Variants in GRIN2A observed in about 807,000 individuals in gnomAD.
GRIN2A encodes the protein glutamate ionotropic receptor NMDA type subunit 2A.
In GRIN2A, 22 loss-of-function variants were observed where a neutral mutation model predicts 113.4. The observed-to-expected ratio is 0.19, with a 90% CI of 0.14 to 0.28. The LOEUF (loss-of-function observed/expected upper bound fraction) is 0.28, where lower values mean the gene tolerates loss of function less well. Ranked by LOEUF, GRIN2A falls within the 10% of genes least tolerant of loss-of-function variation. The probability of loss-of-function intolerance (pLI) is 1.00; values close to 1 mark genes in which losing one functional copy is unlikely to be tolerated. For synonymous variants in GRIN2A, 827 were observed against 738.4 expected, an observed-to-expected ratio of 1.12 and a Z score of -1.94; for missense variants, 1,502 against 1,887.0, an observed-to-expected ratio of 0.80 and a Z score of 3.78.
intron 4 of GRIN2A, among the ~76,000 whole-genome samples, chr16:9,880,468 G>A (rs999406790): frequency 2.0e-5 from 3 of 152,182 alleles, no homozygotes; most frequent in African/African-American, 7.2e-5. Context: ...GGGGTCATGT[G>A]ATTGGGTGAG....
At chr16:9,968,944 G>C (rs1047153575) in intron 2 of GRIN2A, among the ~76,000 whole-genome samples, 3 of 152,088 alleles carry the variant, frequency 2.0e-5, no homozygotes, top group Non-Finnish European at 2.9e-5. Flanking sequence ...AGAAAAAGTT[G>C]AAATTAATAT....
intron 5 of GRIN2A, among the ~76,000 whole-genome samples, chr16:9,847,681 T>C (rs528344181): frequency 1.1e-3 from 161 of 149,906 alleles, no homozygotes; most frequent in African/African-American, 3.6e-3. Context: ...TAAAAATATA[T>C]GTTTTATATT....
chr16:9,916,833 T>A (rs963466922), intron 3 of GRIN2A, among the ~76,000 whole-genome samples: 3 of 152,134 alleles, frequency 2.0e-5, no homozygotes, highest in African/African-American at 7.2e-5. Flanking sequence ...ATGAAAGGAA[T>A]TTTCTTCTGG....
At chr16:10,009,885 G>A (rs2046473726) in intron 2 of GRIN2A, among the ~76,000 whole-genome samples, 1 of 152,152 alleles carries the variant, frequency 6.6e-6, no homozygotes, top group South Asian at 2.1e-4. Context: ...AAGTCACGTG[G>A]GACCACAATG....
intron 2 of GRIN2A, among the ~76,000 whole-genome samples, chr16:9,955,090 A>C (rs2045274716): frequency 6.6e-6 from 1 of 152,206 alleles, no homozygotes; most frequent in Non-Finnish European, 1.5e-5. Flanking sequence ...CATTTGCCTG[A>C]GTCAAGGCGA....
chr16:9,828,717 C>G (rs1056976414), intron 9 of GRIN2A, among the ~76,000 whole-genome samples: 2 of 152,140 alleles, frequency 1.3e-5, no homozygotes, highest in Non-Finnish European at 2.9e-5. Context: ...TGTTATATTT[C>G]ATTTCACTGG....
chr16:9,777,184 G>T (rs1376575229), intron 11 of GRIN2A, among the ~76,000 whole-genome samples: 2 of 152,094 alleles, frequency 1.3e-5, no homozygotes, highest in African/African-American at 4.8e-5. Flanking sequence ...TCTCTTCCCT[G>T]TGGTGACCCA....
intron 10 of GRIN2A, among the ~76,000 whole-genome samples, chr16:9,812,463 A>C: frequency 6.6e-6 from 1 of 152,020 alleles, no homozygotes; most frequent in East Asian, 1.9e-4. Context: ...ACATGGCGAA[A>C]CCCCGTCTCT....
chr16:9,927,222 G>C (rs183724307), intron 3 of GRIN2A, among the ~76,000 whole-genome samples: 3 of 152,152 alleles, frequency 2.0e-5, no homozygotes, highest in Admixed American at 2.0e-4. Flanking sequence ...GGAACTCAAG[G>C]GAAGTTTACC....
At chr16:9,932,539 C>A (rs879739552) in intron 3 of GRIN2A, among the ~76,000 whole-genome samples, 8 of 151,610 alleles carry the variant, frequency 5.3e-5, no homozygotes, top group Non-Finnish European at 7.4e-5. Flanking sequence ...CCACACCCAG[C>A]TAAAGTTTGT....
chr16:9,762,131 C>G lies in GRIN2A; in HGVS notation c.*1018G>C, dbSNP rs1011597278. 9.4e-6 allele frequency: 2 copies of G among 212,988 alleles called. No individual in the cohort carries two copies. Among genetic ancestry groups the G allele is most frequent in the Non-Finnish European group, 1.9e-5 (2 of 104,948 alleles). The allele number at this position is 212,988 out of a possible 1,614,324, so 13.2% of individuals were successfully genotyped here. ...CTGTTGGTGCATGTCACCACATTAA[C>G]AACTCTGGGAAGAGCGATACACAGC... On this transcript the variant is annotated 3_prime_UTR_variant, in exon 13 of 13. Coordinates refer to ENST00000330684, the MANE Select transcript of GRIN2A (RefSeq NM_001134407.3).
intron 2 of GRIN2A, among the ~76,000 whole-genome samples, chr16:10,028,968 T>A (rs1225868719): frequency 6.6e-6 from 1 of 152,216 alleles, no homozygotes; most frequent in Non-Finnish European, 1.5e-5. Flanking sequence ...TTATAGCTAA[T>A]GTTAATCAAG....
chr16:10,134,657 T>C (rs2049154191), intron 2 of GRIN2A, among the ~76,000 whole-genome samples: 2 of 152,258 alleles, frequency 1.3e-5, no homozygotes, highest in Admixed American at 6.5e-5. Flanking sequence ...GGGAGTGTAA[T>C]GGCCTTCCTT....
At chr16:9,830,559 A>G (rs72781975) in intron 8 of GRIN2A, among the ~76,000 whole-genome samples, 2,447 of 151,472 alleles carry the variant, frequency 0.016, 31 homozygotes, top group Middle Eastern at 0.027. Context: ...GTTAATTTTT[A>G]TGTCATTTAA....
rs1220042771 is a variant in GRIN2A at position 9,754,733 on chromosome 16, T to C, written c.*8416A>G. ...CAGAAATAATTAAATAAGTCTTAGA[T>C]GGCTAATGTAGAAACTTCGATTGAA... On this transcript the variant is annotated 3_prime_UTR_variant, in exon 13 of 13. Coordinates refer to ENST00000330684, the MANE Select transcript of GRIN2A (RefSeq NM_001134407.3). 2 of 219,018 alleles carry C rather than the reference T, an allele frequency of 9.1e-6. No homozygotes were observed. The highest frequency in any genetic ancestry group is 9.2e-6 in the Non-Finnish European group (1 of 109,190). The allele number at this position is 219,018 out of a possible 1,614,324, so 13.6% of individuals were successfully genotyped here. A position where few individuals can be genotyped will look rare whatever the true frequency, so the allele number is the denominator to read the frequency against.
intron 2 of GRIN2A, among the ~76,000 whole-genome samples, chr16:10,126,819 C>T (rs923885550): frequency 6.6e-6 from 1 of 152,204 alleles, no homozygotes; most frequent in Admixed American, 6.5e-5. Flanking sequence ...CACCTGCTCA[C>T]ATGTCCAAGA....
chr16:10,156,462 C>T (rs7194785), intron 2 of GRIN2A, among the ~76,000 whole-genome samples: 2,413 of 152,268 alleles, frequency 0.016, 70 homozygotes, highest in African/African-American at 0.053. Context: ...TTCTGATTGA[C>T]GACAAGATGG....
chr16:9,916,060 G>C (rs9922568), intron 3 of GRIN2A, among the ~76,000 whole-genome samples: 1,866 of 152,236 alleles, frequency 0.012, 40 homozygotes, highest in African/African-American at 0.043. Context: ...TCTGGAGTTG[G>C]AGGCATAAGA....
intron 2 of GRIN2A, among the ~76,000 whole-genome samples, chr16:10,124,950 T>C (rs543216045): frequency 6.6e-6 from 1 of 152,212 alleles, no homozygotes; most frequent in African/African-American, 2.4e-5. Flanking sequence ...GGGAAGAGCA[T>C]TCCAGGCATA....
Sources: gnomAD v4.1 joint callset for allele counts (sites outside exome capture counted in the v4.1 genomes callset) on GRCh38, gnomAD v4.1.1 for gene constraint, MANE v1.5 for transcripts, NCBI Gene and HGNC (gene_info 2026-07-23, HGNC 2026-07-21) for gene names.